The following MDFIC variants were observed in gnomAD, a reference collection of about 807,000 sequenced individuals.
MDFIC encodes myoD family inhibitor domain-containing protein.
In MDFIC, 17 loss-of-function variants were observed where a neutral mutation model predicts 23.2. The observed-to-expected ratio is 0.73, with a 90% confidence interval of 0.50 to 1.10. The LOEUF (loss-of-function observed/expected upper bound fraction) is 1.10. Ranked by LOEUF, MDFIC falls within the 50% of genes least tolerant of loss-of-function variation. The pLI is 0.00. For synonymous variants in MDFIC, 120 were observed against 115.2 expected, an observed-to-expected ratio of 1.04 and a Z score of -0.27; for missense variants, 356 against 316.6, an observed-to-expected ratio of 1.12 and a Z score of -0.95.
At chr7:114,966,570 C>T (rs1793100987) in intron 3 of MDFIC, among the ~76,000 whole-genome samples, 1 of 152,128 alleles carries the variant, frequency 6.6e-6, no homozygotes, top group Non-Finnish European at 1.5e-5. Flanking sequence ...TGGAATTTTA[C>T]AACCCACAGT....
chr7:114,985,990 G>A (rs1383914649), intron 4 of MDFIC, among the ~76,000 whole-genome samples: 1 of 150,062 alleles, frequency 6.7e-6, no homozygotes, highest in African/African-American at 2.4e-5. Context: ...ATACTGCTAT[G>A]TATTAACCTG....
Position 114,965,367 on chromosome 7 carries a change from A to G in MDFIC, c.218-14139A>G, listed in dbSNP as rs150710054. ...GTAAATACTGGAGCTTTCATCTAGG[A>G]CATTAATGTAAACACATTTTGTTTT... is the stretch of plus-strand genomic sequence containing the variant. On this transcript the variant is annotated intron_variant, in intron 3 of 4. Coordinates refer to ENST00000393486, the MANE Select transcript of MDFIC (RefSeq NM_001166345.3). 4.4e-3 allele frequency among the ~76,000 whole-genome samples: 672 copies of G among 152,326 alleles called. 3 individuals are homozygous for G. The highest frequency in any genetic ancestry group is 0.016 in the African/African-American group (647 of 41,580).
intron 2 of MDFIC, among the ~76,000 whole-genome samples, chr7:114,929,210 G>T (rs1378690985): frequency 1.3e-5 from 2 of 151,094 alleles, no homozygotes; most frequent in East Asian, 1.9e-4. Context: ...GGGTTCAAGC[G>T]ATTCTTCTGC....
intron 4 of MDFIC, among the ~76,000 whole-genome samples, chr7:115,011,857 AT>A (rs1791689023): frequency 6.6e-6 from 1 of 152,172 alleles, no homozygotes; most frequent in African/African-American, 2.4e-5. Context: ...CTCTCTCCTA[AT>A]TGCTTATTGG....
intron 3 of MDFIC, among the ~76,000 whole-genome samples, chr7:114,966,938 C>G (rs2115893143): frequency 6.6e-6 from 1 of 151,396 alleles, no homozygotes; most frequent in Admixed American, 6.6e-5. Context: ...GATGAAGGTG[C>G]TAATATTCAG....
chr7:114,943,402 A>G lies in MDFIC; in HGVS notation c.217+1005A>G, dbSNP rs573028389. Among the ~76,000 whole-genome samples the G allele has an allele frequency of 2.6e-5, 4 of 152,280 alleles. No homozygotes were observed. In the East Asian group the frequency reaches 5.8e-4, roughly 22 times the overall value. Reference sequence around the variant, plus strand: ...AGGAAGAGGGTCCAACTTAGGAGAAAATAAACAACAACAATAAAAACACTA... The same window carrying G: ...AGGAAGAGGGTCCAACTTAGGAGAAGATAAACAACAACAATAAAAACACTA... On this transcript the variant is annotated intron_variant, in intron 3 of 4. Coordinates refer to ENST00000393486, the MANE Select transcript of MDFIC (RefSeq NM_001166345.3).
At chr7:114,966,974 T>C (rs1793109521) in intron 3 of MDFIC, among the ~76,000 whole-genome samples, 2 of 152,302 alleles carry the variant, frequency 1.3e-5, no homozygotes, top group Non-Finnish European at 1.5e-5. Flanking sequence ...TATTGGATTT[T>C]TTTTTAAAAA....
chr7:114,950,445 G>T (rs915442628), intron 3 of MDFIC, among the ~76,000 whole-genome samples: 2 of 152,160 alleles, frequency 1.3e-5, no homozygotes, highest in African/African-American at 2.4e-5. Flanking sequence ...ATGAGCTACG[G>T]CTATAAAATG....
chr7:114,989,185 G>T (rs1793561740), intron 4 of MDFIC, among the ~76,000 whole-genome samples: 1 of 152,154 alleles, frequency 6.6e-6, no homozygotes, highest in East Asian at 1.9e-4. Flanking sequence ...ATATCATGAG[G>T]CAGGGAAAGA....
Position 114,984,990 on chromosome 7 carries a change from G to A in MDFIC, c.493+5209G>A, listed in dbSNP as rs1234384265. On this transcript the variant is annotated intron_variant, in intron 4 of 4. Coordinates refer to ENST00000393486, the MANE Select transcript of MDFIC (RefSeq NM_001166345.3). Reference sequence around the variant, plus strand: ...TAAATGCTGAACAAGACAGTGAAGAGCGTTATGTAGATGGAAGTAACTACA... The same window carrying A: ...TAAATGCTGAACAAGACAGTGAAGAACGTTATGTAGATGGAAGTAACTACA... 2.0e-5 allele frequency among the ~76,000 whole-genome samples: 3 copies of A among 152,224 alleles called. No individual in the cohort carries two copies. The East Asian group carries it at 5.8e-4, about 29-fold the overall frequency.
chr7:115,009,981 A>G (rs561619149), intron 4 of MDFIC, among the ~76,000 whole-genome samples: 1 of 152,212 alleles, frequency 6.6e-6, no homozygotes, highest in Admixed American at 6.5e-5. Flanking sequence ...CATCTTTCCC[A>G]GAACCAAGTG....
At chr7:114,945,647 G>A (rs1398498220) in intron 3 of MDFIC, among the ~76,000 whole-genome samples, 1 of 152,066 alleles carries the variant, frequency 6.6e-6, no homozygotes, top group East Asian at 1.9e-4. Context: ...GAATAAATAG[G>A]CCACACACAA....
chr7:114,998,473 A>G (rs1013067534), intron 4 of MDFIC, among the ~76,000 whole-genome samples: 1 of 152,186 alleles, frequency 6.6e-6, no homozygotes, highest in Non-Finnish European at 1.5e-5. Context: ...GGACTAAAGA[A>G]ACATACTGAT....
chr7:114,945,018 A>G (rs1474240398), intron 3 of MDFIC, among the ~76,000 whole-genome samples: 1 of 152,258 alleles, frequency 6.6e-6, no homozygotes, highest in Non-Finnish European at 1.5e-5. Context: ...TTTCAAATGC[A>G]CAACCCACTC....
rs1792861372 is a variant in MDFIC, at chr7:114,955,239, T to C, written c.217+12842T>C. Among the ~76,000 whole-genome samples, 4 of 152,230 alleles carry C rather than the reference T, an allele frequency of 2.6e-5. No individual in the cohort carries two copies. In the South Asian group the frequency reaches 8.3e-4, roughly 31 times the overall value. On this transcript the variant is annotated intron_variant, in intron 3 of 4. Transcript: ENST00000393486. Reference sequence around the variant, plus strand: ...CATTAAGCAAATTTGGATGATTGATTTTAAAAATTGAAATAAATTGATTTT... The same window carrying C: ...CATTAAGCAAATTTGGATGATTGATCTTAAAAATTGAAATAAATTGATTTT...
At chr7:114,951,004 A>G (rs968219635) in intron 3 of MDFIC, among the ~76,000 whole-genome samples, 2 of 151,838 alleles carry the variant, frequency 1.3e-5, no homozygotes, top group African/African-American at 4.8e-5. Context: ...TGAAACCCTG[A>G]CTCCATAAAA....
rs377612531 is a variant in MDFIC at position 114,975,574 on chromosome 7, T to A, written c.218-3932T>A. Among the ~76,000 whole-genome samples the A allele has an allele frequency of 7.0e-4, 94 of 133,584 alleles. No homozygotes were observed. The Middle Eastern group carries it at 0.015, about 21-fold the overall frequency. The allele number at this position is 133,584 out of a possible 152,430, so 87.6% of individuals were successfully genotyped here. A position where few individuals can be genotyped will look rare whatever the true frequency, so the allele number is the denominator to read the frequency against. ...CATATTAGCATGCTTTTTTTTTTTT[T>A]AAAGCCATACACAACTTTGACACAA... On this transcript the variant is annotated intron_variant, in intron 3 of 4. Transcript: ENST00000393486.
At chr7:114,940,152 A>G (rs1167934583) in intron 2 of MDFIC, among the ~76,000 whole-genome samples, 1 of 152,230 alleles carries the variant, frequency 6.6e-6, no homozygotes, top group Non-Finnish European at 1.5e-5. Flanking sequence ...TCTAGAACAT[A>G]TTGGTTTAGC....
At chr7:114,973,923 T>A (rs766916576) in intron 3 of MDFIC, among the ~76,000 whole-genome samples, 49 of 151,856 alleles carry the variant, frequency 3.2e-4, no homozygotes, top group Admixed American at 1.6e-3. Flanking sequence ...AATATATACA[T>A]CAAATAAAAT....
Sources: gnomAD v4.1 joint callset for allele counts (sites outside exome capture counted in the v4.1 genomes callset) on GRCh38, gnomAD v4.1.1 for gene constraint, MANE v1.5 for transcripts, NCBI Gene and HGNC (gene_info 2026-07-23, HGNC 2026-07-21) for gene names.